DAPK2: variants seen among roughly 807,000 people sequenced by gnomAD.
The protein encoded by DAPK2 is death associated protein kinase 2.
In DAPK2, 35 loss-of-function variants were observed where a neutral mutation model predicts 44.1. The ratio of observed to expected loss-of-function variants is 0.79; its 90% CI spans 0.61 to 1.05. The LOEUF (loss-of-function observed/expected upper bound fraction) is 1.05, where lower values mean the gene tolerates loss of function less well. Among genes scored for constraint, DAPK2 ranks in the 50% least tolerant of loss-of-function variants. The probability of loss-of-function intolerance (pLI) is 0.00; values close to 1 mark genes in which losing one functional copy is unlikely to be tolerated. For synonymous variants in DAPK2, 174 were observed against 182.6 expected (o/e 0.95, Z 0.38); for missense variants, 453 against 483.2 (o/e 0.94, Z 0.59).
At chr15:64,046,411 G>A (rs1267610626), upstream of DAPK2, 2 of 345,900 alleles carry the variant, frequency 5.8e-6, no homozygotes, top group Non-Finnish European at 7.9e-6. The surrounding 1 kb of genome is among the most constrained non-coding windows in gnomAD (Gnocchi z 5.3). Flanking sequence ...GCGGCGGGGT[G>A]CGCTGGGCTC....
chr15:63,949,342 A>G (rs1165321535), intron 3 of DAPK2, among the ~76,000 whole-genome samples: 1 of 152,148 alleles, frequency 6.6e-6, no homozygotes, highest in African/African-American at 2.4e-5. Context: ...AGAAATAAAA[A>G]TTCACTTTCA....
intron 10 of DAPK2, chr15:63,909,083 A>C (rs2146451345): frequency 6.6e-6 from 1 of 152,456 alleles, no homozygotes; most frequent in South Asian, 2.1e-4. Context: ...TTCCAGGGAA[A>C]TGACTTCTGA....
chr15:63,955,904 A>G lies in DAPK2; in HGVS notation c.453+15519T>C, dbSNP rs555269009. On this transcript the variant is annotated intron_variant, in intron 3 of 10. Coordinates refer to ENST00000261891, the Ensembl canonical transcript of DAPK2. The stretch of plus-strand genomic sequence containing the variant: ...CTTATTTAAATGTTTGATAGAATTT[A>G]GCAGTAAAGCCATAGGGCCCCAGGC... Among the ~76,000 whole-genome samples, 19 of 152,336 alleles carry G rather than the reference A, an allele frequency of 1.2e-4. No individual in the cohort carries two copies. The South Asian group carries it at 3.3e-3, about 27-fold the overall frequency.
intron 3 of DAPK2, among the ~76,000 whole-genome samples, chr15:63,945,455 G>T (rs2077424385): frequency 1.3e-5 from 2 of 152,140 alleles, no homozygotes; most frequent in Admixed American, 6.5e-5. Flanking sequence ...ACCACCACTA[G>T]GGGCTCCAGA....
intron 1 of DAPK2, among the ~76,000 whole-genome samples, chr15:64,030,798 G>A (rs980775140): frequency 6.6e-5 from 10 of 151,978 alleles, no homozygotes; most frequent in Admixed American, 3.9e-4. Context: ...TAAGACACCC[G>A]TCTCTACAAA....
At chr15:63,974,009 T>C (rs1183430267) in intron 2 of DAPK2, among the ~76,000 whole-genome samples, 1 of 152,162 alleles carries the variant, frequency 6.6e-6, no homozygotes, top group Non-Finnish European at 1.5e-5. Context: ...GTATGGCCCC[T>C]AACTTAAGCA....
chr15:64,015,394 C>G (rs531846210), intron 1 of DAPK2, among the ~76,000 whole-genome samples: 2 of 152,288 alleles, frequency 1.3e-5, no homozygotes, highest in African/African-American at 4.8e-5. Flanking sequence ...ACACTCAGGG[C>G]ACTGCTATAG....
At chr15:63,953,793 C>T (rs1239012109) in intron 3 of DAPK2, among the ~76,000 whole-genome samples, 1 of 152,164 alleles carries the variant, frequency 6.6e-6, no homozygotes, top group South Asian at 2.1e-4. Flanking sequence ...TACTGACTGT[C>T]TTTTGGATAA....
chr15:64,034,048 T>C (rs1050235089), intron 1 of DAPK2, among the ~76,000 whole-genome samples: 2 of 152,164 alleles, frequency 1.3e-5, no homozygotes, highest in Admixed American at 1.3e-4. Context: ...TCGAATAACT[T>C]CTATAATAAA....
intron 1 of DAPK2, among the ~76,000 whole-genome samples, chr15:64,026,750 T>C (rs1175178193): frequency 6.6e-6 from 1 of 152,080 alleles, no homozygotes; most frequent in Non-Finnish European, 1.5e-5. Flanking sequence ...GAGTTCCAGG[T>C]CCCTTAAGGA....
At chr15:63,911,433 T>C (rs1457264997) in intron 10 of DAPK2, 11 of 179,768 alleles carry the variant, frequency 6.1e-5, no homozygotes, top group Non-Finnish European at 1.2e-4. Flanking sequence ...TATTCTGTTA[T>C]AAGCTACTCC....
At chr15:63,958,993 A>G (rs1300231682) in intron 3 of DAPK2, among the ~76,000 whole-genome samples, 1 of 152,170 alleles carries the variant, frequency 6.6e-6, no homozygotes, top group Non-Finnish European at 1.5e-5. Flanking sequence ...TGAGCATGGA[A>G]TGTTCTTCCA....
chr15:63,925,678 G>GCGCGCA (rs1352051474), intron 7 of DAPK2, among the ~76,000 whole-genome samples: 9,585 of 138,410 alleles, frequency 0.069, 374 homozygotes, highest in East Asian at 0.15. Flanking sequence ...GACTTGTAGC[G>GCGCGCA]CACACACACA....
At chr15:63,981,089 CAAAA>C (rs57421161) in intron 2 of DAPK2, among the ~76,000 whole-genome samples, 17 of 137,594 alleles carry the variant, frequency 1.2e-4, no homozygotes, top group Admixed American at 1.4e-4. Flanking sequence ...GACTCCATCT[CAAAA>C]AAAAAAAAAA....
At chr15:63,997,097 C>G (rs546744702) in intron 1 of DAPK2, among the ~76,000 whole-genome samples, 2 of 152,170 alleles carry the variant, frequency 1.3e-5, no homozygotes, top group African/African-American at 4.8e-5. Flanking sequence ...GTCAGGCAAG[C>G]GGCTCAGAGT....
chr15:63,984,975 C>T (rs1443488726), intron 1 of DAPK2, among the ~76,000 whole-genome samples: 1 of 152,162 alleles, frequency 6.6e-6, no homozygotes, highest in Non-Finnish European at 1.5e-5. Flanking sequence ...ATACATAGGC[C>T]AACACTTAGG....
chr15:63,986,691 A>G (rs538735704), intron 1 of DAPK2, among the ~76,000 whole-genome samples: 29 of 152,264 alleles, frequency 1.9e-4, no homozygotes, highest in Admixed American at 5.2e-4. Flanking sequence ...AACTCTTTAA[A>G]TCCTAGAGCA....
intron 1 of DAPK2, among the ~76,000 whole-genome samples, chr15:64,036,307 G>GTA (rs1233918566): frequency 1.9e-5 from 1 of 53,140 alleles, no homozygotes; most frequent in African/African-American, 4.0e-5. Context: ...GTGTGTGTGT[G>GTA]TGTATATATA....
At chr15:63,956,990 G>A (rs529003983) in intron 3 of DAPK2, among the ~76,000 whole-genome samples, 21 of 152,320 alleles carry the variant, frequency 1.4e-4, no homozygotes, top group African/African-American at 3.8e-4. Flanking sequence ...TAGATGAAAC[G>A]TTCTGTAAAT....
Sources: allele counts gnomAD v4.1 joint callset (sites outside exome capture counted in the v4.1 genomes callset), GRCh38; gene constraint gnomAD v4.1.1; non-coding constraint Gnocchi (gnomAD v3.1); transcripts MANE v1.5; gene names NCBI Gene and HGNC (gene_info 2026-07-23, HGNC 2026-07-21).